BMPR1B: variants seen among roughly 807,000 people sequenced by gnomAD.
BMPR1B encodes the protein bone morphogenetic protein receptor type 1B.
BMPR1B carries 12 observed loss-of-function variants against 59.1 expected under a neutral mutation model. The observed-to-expected ratio is 0.20, with a 90% confidence interval of 0.13 to 0.33. BMPR1B has a LOEUF of 0.33. Ranked by LOEUF, BMPR1B falls within the 10% of genes least tolerant of loss-of-function variation. The probability of loss-of-function intolerance (pLI) is 1.00; values close to 1 mark genes in which losing one functional copy is unlikely to be tolerated. For synonymous variants in BMPR1B, 237 were observed against 207.3 expected, an observed-to-expected ratio of 1.14 and a Z score of -1.23; for missense variants, 550 against 610.9, an observed-to-expected ratio of 0.90 and a Z score of 1.05.
rs368362892 is a variant in BMPR1B, at chr4:94,859,711, A to T, written c.-182-16120A>T. On this transcript the variant is annotated intron_variant, in intron 1 of 12. Transcript: ENST00000515059. The stretch of plus-strand genomic sequence containing the variant: ...GAATCTTAAAATACTCTGTGACAAG[A>T]CTTAAAAAAAAAGAGTTACTATGCA... Among the ~76,000 whole-genome samples the T allele has an allele frequency of 2.6e-5, 4 of 151,340 alleles. No individual in the cohort carries two copies. In the East Asian group the frequency reaches 7.7e-4, roughly 29 times the overall value.
At chr4:94,892,233 A>G (rs1270958140) in intron 2 of BMPR1B, among the ~76,000 whole-genome samples, 1 of 152,020 alleles carries the variant, frequency 6.6e-6, no homozygotes, top group African/African-American at 2.4e-5. Context: ...CGTTCTTGCT[A>G]CCCACAGGGT....
chr4:94,984,627 A>G (rs1297528188), intron 2 of BMPR1B, among the ~76,000 whole-genome samples: 1 of 152,196 alleles, frequency 6.6e-6, no homozygotes, highest in Admixed American at 6.5e-5. Flanking sequence ...GTTGAAATGG[A>G]CATATTTTTA....
intron 1 of BMPR1B, among the ~76,000 whole-genome samples, chr4:94,783,152 T>C (rs1722644659): frequency 6.6e-6 from 1 of 152,210 alleles, no homozygotes; most frequent in Non-Finnish European, 1.5e-5. Context: ...TCACGCCAGC[T>C]ATTAGGATCC....
intron 3 of BMPR1B, among the ~76,000 whole-genome samples, chr4:95,095,408 C>T (rs1238767091): frequency 6.6e-6 from 1 of 152,020 alleles, no homozygotes; most frequent in Non-Finnish European, 1.5e-5. Flanking sequence ...GTACAAATAG[C>T]TGTAGGATGG....
At chr4:95,090,302 A>G (rs1043117872) in intron 3 of BMPR1B, among the ~76,000 whole-genome samples, 8 of 151,884 alleles carry the variant, frequency 5.3e-5, no homozygotes, top group Non-Finnish European at 1.2e-4. Flanking sequence ...ACATTTTATA[A>G]AAATTATATT....
At chr4:94,843,511 G>A (rs1443003933) in intron 1 of BMPR1B, among the ~76,000 whole-genome samples, 1 of 152,164 alleles carries the variant, frequency 6.6e-6, no homozygotes, top group African/African-American at 2.4e-5. Flanking sequence ...CCATTCTTCA[G>A]TGATAACATA....
intron 3 of BMPR1B, 182 bp downstream of exon 3, chr4:94,996,316 A>G (rs1722052778): frequency 6.6e-6 from 1 of 152,202 alleles, no homozygotes; most frequent in South Asian, 2.1e-4. Context: ...TGCCGGGTAC[A>G]TTCACAAGAC....
chr4:94,962,067 T>TTTTC (rs1358246578), intron 2 of BMPR1B, among the ~76,000 whole-genome samples: 3 of 134,974 alleles, frequency 2.2e-5, no homozygotes, highest in African/African-American at 3.1e-5. Flanking sequence ...CTTTTCTTTC[T>TTTTC]TTTCTTTCCT....
chr4:94,811,519 C>G (rs1458553395), intron 1 of BMPR1B, among the ~76,000 whole-genome samples: 6 of 152,084 alleles, frequency 3.9e-5, no homozygotes, highest in Admixed American at 1.3e-4. Flanking sequence ...TCTTAAATCA[C>G]TATTTCTTTG....
chr4:94,848,269 C>T (rs1725419832), intron 1 of BMPR1B, among the ~76,000 whole-genome samples: 1 of 152,136 alleles, frequency 6.6e-6, no homozygotes, highest in Non-Finnish European at 1.5e-5. Context: ...CATTGAACTG[C>T]TCTATGTAAT....
At chr4:94,777,527 A>C (rs914016805) in intron 1 of BMPR1B, among the ~76,000 whole-genome samples, 2 of 152,176 alleles carry the variant, frequency 1.3e-5, no homozygotes, top group Non-Finnish European at 2.9e-5. Flanking sequence ...GAATGATTTA[A>C]AGGAAAAAAG....
At chr4:94,880,240 T>G (rs1726904437) in intron 2 of BMPR1B, among the ~76,000 whole-genome samples, 1 of 152,170 alleles carries the variant, frequency 6.6e-6, no homozygotes, top group South Asian at 2.1e-4. Context: ...GTACTGTACT[T>G]CTAACTTGTC....
intron 1 of BMPR1B, among the ~76,000 whole-genome samples, chr4:94,778,180 T>C (rs971460967): frequency 6.6e-6 from 1 of 152,208 alleles, no homozygotes; most frequent in East Asian, 1.9e-4. Context: ...AAGCCTCTTA[T>C]GCATTCCTCA....
At chr4:95,096,050 T>TC (rs60858044) in intron 3 of BMPR1B, among the ~76,000 whole-genome samples, 113 of 4,200 alleles carry the variant, frequency 0.027, no homozygotes, top group African/African-American at 0.054. Flanking sequence ...TTCTGCATTT[T>TC]GTTTTTTCTG....
intron 3 of BMPR1B, among the ~76,000 whole-genome samples, chr4:95,051,462 C>A (rs1392475949): frequency 6.6e-6 from 1 of 152,072 alleles, no homozygotes; most frequent in Non-Finnish European, 1.5e-5. Context: ...AGAAAACAAT[C>A]CGGCTCAGGG....
At position 95,116,421 on chromosome 4, in the gene BMPR1B, GCACACA is replaced by G. The variant is rs35436544; in HGVS notation, c.349+672_349+677del. ...CTCCTCCTCCATGCTTTCAGCGCGC[GCACACA>G]CACACACACACACACACACACACAC... On this transcript the variant is annotated intron_variant, in intron 6 of 12. Transcript: ENST00000515059. 6.2e-3 allele frequency among the ~76,000 whole-genome samples: 758 copies of G among 123,224 alleles called. 5 individuals are homozygous for G. Among genetic ancestry groups the G allele is most frequent in the African/African-American group, 9.3e-3 (259 of 27,858 alleles). The allele number at this position is 123,224 out of a possible 152,430, so 80.8% of individuals were successfully genotyped here. A position where few individuals can be genotyped will look rare whatever the true frequency, so the allele number is the denominator to read the frequency against.
At chr4:95,043,310 A>T (rs1439500275) in intron 3 of BMPR1B, among the ~76,000 whole-genome samples, 1 of 152,162 alleles carries the variant, frequency 6.6e-6, no homozygotes, top group Non-Finnish European at 1.5e-5. Context: ...ACCAAATAAT[A>T]AACTAAAGAT....
rs559367741 is a variant in BMPR1B at position 94,998,803 on chromosome 4, A to G, written c.-18+2669A>G. Among the ~76,000 whole-genome samples, 13 of 152,154 alleles carry G rather than the reference A, an allele frequency of 8.5e-5. No individual in the cohort carries two copies. The East Asian group carries it at 2.5e-3, about 29-fold the overall frequency. On this transcript the variant is annotated intron_variant, in intron 3 of 12. Transcript: ENST00000515059. ...AGGCTTTACTATGAGTCTCTTGTTC[A>G]TATACCTTCTACTTTTGTTCTATAT...
At chr4:94,960,552 G>A (rs1730315179) in intron 2 of BMPR1B, among the ~76,000 whole-genome samples, 1 of 152,064 alleles carries the variant, frequency 6.6e-6, no homozygotes, top group African/African-American at 2.4e-5. Flanking sequence ...AAAAACAAAA[G>A]CTCTACTGTT....
Sources: allele counts gnomAD v4.1 joint callset (sites outside exome capture counted in the v4.1 genomes callset), GRCh38; gene constraint gnomAD v4.1.1; transcripts MANE v1.5; gene names NCBI Gene and HGNC (gene_info 2026-07-23, HGNC 2026-07-21).